Variants in RYR2 observed in about 807,000 individuals in gnomAD.
RYR2 encodes the protein ryanodine receptor 2.
In RYR2, 227 loss-of-function variants were observed where a neutral mutation model predicts 601.1. The ratio of observed to expected loss-of-function variants is 0.38; its 90% CI spans 0.34 to 0.42. RYR2 has a LOEUF of 0.42. RYR2 is among the 10% of genes least tolerant of loss of function. The probability of loss-of-function intolerance (pLI) is 1.00; values close to 1 mark genes in which losing one functional copy is unlikely to be tolerated. For missense variants in RYR2, 4,646 were observed against 6,156.5 expected (o/e 0.75, Z 8.21); for synonymous variants, 2,223 against 2,175.1 (o/e 1.02, Z -0.61).
chr1:237,651,663 G>C (rs1012083736), intron 51 of RYR2, among the ~76,000 whole-genome samples, 162 bp downstream of exon 51: 1 of 152,048 alleles, frequency 6.6e-6, no homozygotes, highest in African/African-American at 2.4e-5. Context: ...ACATCAACTT[G>C]AAATAAACAA....
At chr1:237,631,090 C>CT (rs1434222626) in intron 41 of RYR2, among the ~76,000 whole-genome samples, 2 of 152,152 alleles carry the variant, frequency 1.3e-5, no homozygotes, top group East Asian at 3.9e-4. Flanking sequence ...TGGTATAACA[C>CT]TAATTCATAT....
intron 19 of RYR2, among the ~76,000 whole-genome samples, chr1:237,494,935 T>C (rs973696682): frequency 7.2e-5 from 11 of 151,764 alleles, no homozygotes; most frequent in Non-Finnish European, 8.8e-5. Context: ...GGATTACAGG[T>C]GCACACCACC....
intron 41 of RYR2, 132 bp downstream of exon 41, chr1:237,628,212 TTC>T: frequency 9.1e-7 from 1 of 1,103,188 alleles, no homozygotes; most frequent in Non-Finnish European, 1.3e-6. Flanking sequence ...TAAATAGCTT[TTC>T]TTTTTTTTAT....
At chr1:237,740,677 T>A (rs1385491476) in intron 79 of RYR2, among the ~76,000 whole-genome samples, 1 of 152,144 alleles carries the variant, frequency 6.6e-6, no homozygotes, top group Non-Finnish European at 1.5e-5. Context: ...TTTGAGAAAA[T>A]GTAAAATTTC....
chr1:237,171,477 G>T (rs1677389555), intron 1 of RYR2, among the ~76,000 whole-genome samples: 1 of 152,052 alleles, frequency 6.6e-6, no homozygotes, highest in Admixed American at 6.5e-5. Context: ...ATGAATAACG[G>T]AATCAGAATG....
At chr1:237,138,587 A>T (rs575080492) in intron 1 of RYR2, among the ~76,000 whole-genome samples, 2 of 152,290 alleles carry the variant, frequency 1.3e-5, no homozygotes, top group East Asian at 3.9e-4. Context: ...GATGAAGTTT[A>T]TGAAACCACA....
At position 237,533,761 on chromosome 1, in the gene RYR2, A is replaced by G. The variant is rs1417280767; in HGVS notation, c.2906+3251A>G. On this transcript the variant is annotated intron_variant, in intron 25 of 104. Coordinates refer to ENST00000366574, the MANE Select transcript of RYR2 (RefSeq NM_001035.3). ...CTGACTTTTAAAAATCAATGAAATT[A>G]TAATTCTAGATAGTAATTATCTTTG... Among the ~76,000 whole-genome samples, 3 of 152,174 alleles carry G rather than the reference A, an allele frequency of 2.0e-5. No homozygotes were observed. The East Asian group carries it at 5.8e-4, about 29-fold the overall frequency.
chr1:237,570,777 T>C (rs1013480189), intron 29 of RYR2, among the ~76,000 whole-genome samples: 3 of 152,162 alleles, frequency 2.0e-5, no homozygotes, highest in South Asian at 2.1e-4. Context: ...GAAAGTTCTA[T>C]TGGATAGTGT....
chr1:237,664,430 G>A (rs1236769637), intron 56 of RYR2, among the ~76,000 whole-genome samples: 2 of 152,222 alleles, frequency 1.3e-5, no homozygotes, highest in Non-Finnish European at 2.9e-5. Flanking sequence ...TCAAAAGAAA[G>A]AGGTTCAATG....
chr1:237,248,571 A>G (rs1216345238), intron 1 of RYR2, among the ~76,000 whole-genome samples: 1 of 151,990 alleles, frequency 6.6e-6, no homozygotes, highest in Non-Finnish European at 1.5e-5. Context: ...TTAGAAGAGG[A>G]TGTTTTAATG....
intron 16 of RYR2, among the ~76,000 whole-genome samples, chr1:237,468,282 T>A (rs1403765140): frequency 2.0e-5 from 3 of 152,194 alleles, no homozygotes; most frequent in Admixed American, 2.0e-4. Context: ...CTTAGGGGTA[T>A]AAAAGTAGAA....
chr1:237,639,606 A>C (rs995146335), intron 46 of RYR2, among the ~76,000 whole-genome samples: 2 of 152,174 alleles, frequency 1.3e-5, no homozygotes, highest in African/African-American at 4.8e-5. Flanking sequence ...GGACTTGACT[A>C]AACTGTTATG....
At chr1:237,128,323 A>T (rs998309244) in intron 1 of RYR2, among the ~76,000 whole-genome samples, 4 of 152,222 alleles carry the variant, frequency 2.6e-5, no homozygotes, top group Non-Finnish European at 5.9e-5. Flanking sequence ...AGATGGCAGC[A>T]GTACAGTCCA....
At chr1:237,474,657 G>C (rs969891699) in intron 17 of RYR2, among the ~76,000 whole-genome samples, 1 of 152,096 alleles carries the variant, frequency 6.6e-6, no homozygotes, top group South Asian at 2.1e-4. Context: ...TGTAATATCA[G>C]CTAAACTCCC....
At chr1:237,759,429 A>G (rs1394303325) in intron 82 of RYR2, among the ~76,000 whole-genome samples, 3 of 152,164 alleles carry the variant, frequency 2.0e-5, no homozygotes, top group Non-Finnish European at 4.4e-5. Flanking sequence ...GAAACCTGTG[A>G]ATAACATCTA....
chr1:237,455,256 A>G lies in RYR2; in HGVS notation c.1476+682A>G, dbSNP rs560790098. ...ACTACGAGGGTTGATGGGATAAATC[A>G]GGCTTGTTCAGCTGGATTCCCATTC... On this transcript the variant is annotated intron_variant, in intron 15 of 104. Coordinates refer to ENST00000366574, the MANE Select transcript of RYR2 (RefSeq NM_001035.3). Among the ~76,000 whole-genome samples, 12 of 152,320 alleles carry G rather than the reference A, an allele frequency of 7.9e-5. No individual in the cohort carries two copies. The South Asian group carries it at 2.5e-3, about 32-fold the overall frequency.
rs900782673 is a variant in RYR2 at position 237,617,472 on chromosome 1, C to A, written c.5902C>A (p.Pro1968Thr). Residue 1968 changes from proline to threonine, a missense_variant, in exon 38 of 105, where the codon CCA becomes ACA. By Grantham distance (38) the Pro-to-Thr change is conservative. Transcript: ENST00000366574. The part of the protein sequence containing the change: ...TARKTKEFRS[P>T]PQEQINMLLN... The stretch of plus-strand genomic sequence containing the variant: ...CAGGAAGACAAAGGAATTTAGATCA[C>A]CACCTCAAGAACAGGTACAGAAATG... The A allele has an allele frequency of 6.2e-7, 1 of 1,613,646 alleles. No individual in the cohort carries two copies. The highest frequency in any genetic ancestry group is 1.3e-5 in the African/African-American group (1 of 74,918).
At chr1:237,550,397 T>C (rs1326601806) in intron 26 of RYR2, 147 bp from the exon 27 acceptor site, 1 of 780,770 alleles carries the variant, frequency 1.3e-6, no homozygotes, top group African/African-American at 1.7e-5. Context: ...GATAGTGTTT[T>C]GGTAACTTTG....
At chr1:237,050,924 T>C (rs1176493878) in intron 1 of RYR2, among the ~76,000 whole-genome samples, 1 of 152,240 alleles carries the variant, frequency 6.6e-6, no homozygotes, top group Non-Finnish European at 1.5e-5. Context: ...TTTATATTTA[T>C]TTCATAATCA....
Sources: gnomAD v4.1 joint callset for allele counts (sites outside exome capture counted in the v4.1 genomes callset) on GRCh38, gnomAD v4.1.1 for gene constraint, MANE v1.5 for transcripts, NCBI Gene and HGNC (gene_info 2026-07-23, HGNC 2026-07-21) for gene names.